TMEM182: variants seen among roughly 807,000 people sequenced by gnomAD.
The protein encoded by TMEM182 is transmembrane protein 182.
TMEM182 carries 20 observed loss-of-function variants against 26.8 expected under a neutral mutation model. The observed-to-expected ratio is 0.75, with a 90% confidence interval of 0.53 to 1.09. The LOEUF (loss-of-function observed/expected upper bound fraction) is 1.09, where lower values mean the gene tolerates loss of function less well. TMEM182 is among the 50% of genes least tolerant of loss of function. The pLI is 0.00. For synonymous variants in TMEM182, 109 were observed against 102.2 expected (o/e 1.07, Z -0.40); for missense variants, 277 against 275.5 (o/e 1.01, Z -0.04).
At chr2:102,754,813 A>G (rs1322596115) in intron 1 of TMEM182, among the ~76,000 whole-genome samples, 1 of 152,228 alleles carries the variant, frequency 6.6e-6, no homozygotes, top group Non-Finnish European at 1.5e-5. Flanking sequence ...ACGTGACTTG[A>G]GATTTCTGCT....
At chr2:102,785,499 T>C (rs1681352659) in intron 3 of TMEM182, among the ~76,000 whole-genome samples, 1 of 152,244 alleles carries the variant, frequency 6.6e-6, no homozygotes, top group African/African-American at 2.4e-5. Flanking sequence ...CACCAATAAG[T>C]GCTCTCCTAG....
downstream of TMEM182, among the ~76,000 whole-genome samples, chr2:102,820,118 A>T (rs1488437578): frequency 6.6e-6 from 1 of 152,152 alleles, no homozygotes; most frequent in Non-Finnish European, 1.5e-5. Context: ...GATTATACTG[A>T]TTGGTTCCCT....
intron 2 of TMEM182, 61 bp from the exon 3 acceptor site, chr2:102,764,268 A>T: frequency 6.6e-7 from 1 of 1,509,636 alleles, no homozygotes; most frequent in Non-Finnish European, 9.2e-7. Context: ...CTGTTCCATT[A>T]AGGATGAGTC....
chr2:102,759,650 A>G (rs1294595807), upstream of TMEM182, among the ~76,000 whole-genome samples: 1 of 152,244 alleles, frequency 6.6e-6, no homozygotes, highest in Non-Finnish European at 1.5e-5. Context: ...TTGTCCCCAA[A>G]GTAATGGCTT....
chr2:102,810,063 C>T (rs80003606), intron 4 of TMEM182, among the ~76,000 whole-genome samples: 1 of 151,980 alleles, frequency 6.6e-6, no homozygotes, highest in African/African-American at 2.4e-5. Context: ...TAAAGGCAGT[C>T]GAGTTACATC....
At chr2:102,807,671 A>G (rs1294845943) in intron 4 of TMEM182, among the ~76,000 whole-genome samples, 1 of 152,128 alleles carries the variant, frequency 6.6e-6, no homozygotes, top group Non-Finnish European at 1.5e-5. Context: ...CAGATATAAT[A>G]TGGAGAAAGT....
chr2:102,813,017 T>A (rs1682609970), intron 4 of TMEM182, among the ~76,000 whole-genome samples: 1 of 152,222 alleles, frequency 6.6e-6, no homozygotes, highest in South Asian at 2.1e-4. Flanking sequence ...GCTTTACTAT[T>A]TCTCTGTGAT....
intron 3 of TMEM182, among the ~76,000 whole-genome samples, chr2:102,777,167 C>T (rs1255682607): frequency 6.6e-6 from 1 of 151,842 alleles, no homozygotes; most frequent in Non-Finnish European, 1.5e-5. Flanking sequence ...TCCAATTTGT[C>T]TCTGTTTTTT....
At chr2:102,833,945 A>G (rs1683195935) in intron 3 of TMEM182, among the ~76,000 whole-genome samples, 3 of 152,192 alleles carry the variant, frequency 2.0e-5, no homozygotes, top group South Asian at 2.1e-4. Flanking sequence ...CATTGATTCT[A>G]TTGATTAAGA....
intron 3 of TMEM182, among the ~76,000 whole-genome samples, chr2:102,830,328 A>C (rs974664236): frequency 6.6e-6 from 1 of 152,210 alleles, no homozygotes; most frequent in African/African-American, 2.4e-5. Context: ...TGCTGGCATC[A>C]GGCATTGATA....
intron 3 of TMEM182, among the ~76,000 whole-genome samples, chr2:102,832,858 T>A (rs1683178206): frequency 6.6e-6 from 1 of 152,206 alleles, no homozygotes; most frequent in African/African-American, 2.4e-5. Context: ...TTTTGAATAG[T>A]TTAGAATTTT....
Position 102,812,359 on chromosome 2 carries a change from C to T in TMEM182, c.470-2389C>T, listed in dbSNP as rs570789239. 4.4e-4 allele frequency among the ~76,000 whole-genome samples: 65 copies of T among 148,066 alleles called. 1 individual carries two copies. Among genetic ancestry groups the T allele is most frequent in the African/African-American group, 1.1e-3 (44 of 40,188 alleles). ...AAATTCCTTCTCATTGTCTGTCTCT[C>T]TCTCTCTCTCTTTGTCTACACATGT... is the stretch of plus-strand genomic sequence containing the variant. On this transcript the variant is annotated intron_variant, in intron 4 of 4. Transcript: ENST00000412401.
At chr2:102,802,893 C>A (rs575376800) in intron 4 of TMEM182, among the ~76,000 whole-genome samples, 1 of 152,144 alleles carries the variant, frequency 6.6e-6, no homozygotes, top group Non-Finnish European at 1.5e-5. Flanking sequence ...ATTGAAGTAG[C>A]CTTTTCTTAA....
chr2:102,770,855 A>G (rs1428021734), intron 3 of TMEM182, among the ~76,000 whole-genome samples: 1 of 152,204 alleles, frequency 6.6e-6, no homozygotes, highest in Non-Finnish European at 1.5e-5. Flanking sequence ...AACTACAAAC[A>G]TGAATGTCCT....
At chr2:102,757,063 G>T (rs1002826723), upstream of TMEM182, among the ~76,000 whole-genome samples, 2 of 152,064 alleles carry the variant, frequency 1.3e-5, no homozygotes, top group Admixed American at 6.6e-5. Context: ...ACCTGCCTCG[G>T]CCTCCCAAAG....
intron 1 of TMEM182, among the ~76,000 whole-genome samples, chr2:102,746,302 G>T (rs1031330847): frequency 6.6e-6 from 1 of 152,076 alleles, no homozygotes; most frequent in Non-Finnish European, 1.5e-5. Flanking sequence ...AAATTATTGA[G>T]TTGTAAGAGT....
Position 102,742,957 on chromosome 2 carries a change from A to G in TMEM182, c.-83+5944A>G, listed in dbSNP as rs572942087. ...TTCAGAGAGAAGGAAGATAGATCAG[A>G]AACTTGAAACTACATAAATTAGTGA... On this transcript the variant is annotated intron_variant, in intron 1 of 5. Transcript: ENST00000409173. Among the ~76,000 whole-genome samples, 6 of 152,178 alleles carry G rather than the reference A, an allele frequency of 3.9e-5. No individual in the cohort carries two copies. In the East Asian group the frequency reaches 1.2e-3, roughly 29 times the overall value.
chr2:102,825,470 T>G (rs983239411), intron 3 of TMEM182, among the ~76,000 whole-genome samples: 1 of 152,220 alleles, frequency 6.6e-6, no homozygotes, highest in African/African-American at 2.4e-5. Flanking sequence ...TTATTGAGAC[T>G]CTTTGAATCA....
In TMEM182 at chr2:102,745,128, G is replaced by GT. The variant is rs577169707; in HGVS notation, c.-83+8125dup. On this transcript the variant is annotated intron_variant, in intron 1 of 5. Transcript: ENST00000409173. ...TGTCCCCTCACTCTTTTTTCTTTAT[G>GT]TTTTTTTTTTGTTTAGATAATTTCT... Among the ~76,000 whole-genome samples, 429 of 146,384 alleles carry GT rather than the reference G, an allele frequency of 2.9e-3. 3 individuals carry two copies. Among genetic ancestry groups the GT allele is most frequent in the African/African-American group, 7.1e-3 (284 of 40,190 alleles).
Sources: allele counts gnomAD v4.1 joint callset (sites outside exome capture counted in the v4.1 genomes callset), GRCh38; gene constraint gnomAD v4.1.1; transcripts MANE v1.5; gene names NCBI Gene and HGNC (gene_info 2026-07-23, HGNC 2026-07-21).